Variants in MPG observed in about 807,000 individuals in gnomAD.
The protein encoded by MPG is N-methylpurine DNA glycosylase.
Under a neutral mutation model 31.7 loss-of-function variants are expected in MPG, and 33 were observed. The observed-to-expected ratio is 1.04, with a 90% confidence interval of 0.79 to 1.39. MPG has a LOEUF of 1.39. Among genes scored for constraint, MPG ranks in the 40% most tolerant of loss-of-function variants. MPG has a pLI of 0.00. For synonymous variants in MPG, 202 were observed against 169.2 expected (o/e 1.19, Z -1.51); for missense variants, 455 against 415.5 (o/e 1.10, Z -0.83).
In MPG at chr16:78,299, C is replaced by A. The variant is rs747635841; in HGVS notation, c.-11C>A. The A allele has an allele frequency of 7.5e-7, 1 of 1,337,182 alleles. No individual in the cohort carries two copies. Among genetic ancestry groups the A allele is most frequent in the African/African-American group, 1.5e-5 (1 of 65,148 alleles). The allele number at this position is 1,337,182 out of a possible 1,614,324, so 82.8% of individuals were successfully genotyped here. ...GTCCGAGTCCCACGAAGCCCCGGCCCGAGCCGCCGGATGCCCGCGCGCAGC... is the reference window on the plus strand; with the variant it reads ...GTCCGAGTCCCACGAAGCCCCGGCCAGAGCCGCCGGATGCCCGCGCGCAGC... On this transcript the variant is annotated 5_prime_UTR_variant, in exon 1 of 4. Coordinates refer to ENST00000356432, the MANE Select transcript of MPG (RefSeq NM_001015052.3).
chr16:83,150 G>T lies in MPG; in HGVS notation c.399G>T (p.Arg133Ser). 1 of 1,613,238 alleles carries T rather than the reference G, an allele frequency of 6.2e-7. No individual in the cohort carries two copies. The change falls in exon 3 of 4, where the codon AGG (arginine) becomes AGT (serine). Residue 133 changes from arginine to serine, a missense_variant. Transcript: ENST00000356432. The part of the protein sequence containing the change: ...LGPEDEAAHS[R>S]GGRQTPRNRG... ...CAGAGGATGAAGCCGCCCACTCAAG[G>T]GGTGGCCGGCAGACCCCCCGCAACC...
chr16:79,050 C>G (rs1469449551), intron 1 of MPG: 2 of 1,431,616 alleles, frequency 1.4e-6, no homozygotes, highest in Non-Finnish European at 9.1e-7. Flanking sequence ...GAAACCAGCT[C>G]AGACGTTTGC....
At chr16:78,170 A>T, upstream of MPG, 1 of 684,566 alleles carries the variant, frequency 1.5e-6, no homozygotes, top group Non-Finnish European at 2.0e-6. Context: ...CCCGGCGCTC[A>T]CTGCCCCCCT....
intron 1 of MPG, 134 bp downstream of exon 1, chr16:78,467 G>C: frequency 1.2e-6 from 1 of 808,108 alleles, no homozygotes; most frequent in Non-Finnish European, 1.6e-6. Context: ...GGCAGAGCCA[G>C]AGCATAGGCC....
chr16:78,451 G>T lies in MPG; in HGVS notation c.24+118G>T, dbSNP rs551479956. 674 of 905,752 alleles carry T rather than the reference G, an allele frequency of 7.4e-4. 4 individuals are homozygous for T. The African/African-American group carries it at 0.011, about 15-fold the overall frequency. The allele number at this position is 905,752 out of a possible 1,614,324, so 56.1% of individuals were successfully genotyped here. A position where few individuals can be genotyped will look rare whatever the true frequency, so the allele number is the denominator to read the frequency against. On this transcript the variant is annotated intron_variant, in intron 1 of 3. Coordinates refer to ENST00000356432, the MANE Select transcript of MPG (RefSeq NM_001015052.3). The stretch of plus-strand genomic sequence containing the variant: ...GGGCGTAGCGCCCACCGCCCCGAGG[G>T]TTCGGGGCAGAGCCAGAGCATAGGC...
chr16:83,157 C>T lies in MPG; in HGVS notation c.406C>T (p.Arg136Trp), dbSNP rs201743492. The T allele has an allele frequency of 2.2e-4, 356 of 1,613,192 alleles. 1 individual carries two copies. Among genetic ancestry groups the T allele is most frequent in the Non-Finnish European group, 9.7e-5 (114 of 1,179,976 alleles). Residue 136 changes from arginine (R) to tryptophan (W), a missense_variant, in exon 3 of 4, where the codon CGG becomes TGG. Physicochemically the swap from Arg to Trp is moderately radical, Grantham distance 101. Transcript: ENST00000356432. ...EDEAAHSRGG[R>W]QTPRNRGMFM... Reference sequence around the variant, plus strand: ...TGAAGCCGCCCACTCAAGGGGTGGCCGGCAGACCCCCCGCAACCGAGGCAT... The same window carrying T: ...TGAAGCCGCCCACTCAAGGGGTGGCTGGCAGACCCCCCGCAACCGAGGCAT...
upstream of MPG, chr16:78,184 C>G (rs1228458407): frequency 2.2e-6 from 2 of 899,960 alleles, no homozygotes; most frequent in Non-Finnish European, 2.9e-6. Context: ...CCCCCCTTCT[C>G]CCGGCTTCCG....
intron 3 of MPG, chr16:84,607 AG>A (rs1333830411): frequency 6.6e-6 from 1 of 152,362 alleles, no homozygotes; most frequent in Non-Finnish European, 1.5e-5. Context: ...TGCAGGGCAG[AG>A]GGAATTCGGG....
chr16:79,186 G>A, intron 1 of MPG: 3 of 1,545,312 alleles, frequency 1.9e-6, no homozygotes, highest in Non-Finnish European at 1.7e-6. Flanking sequence ...CATATGTGGG[G>A]CAGAGCAGCC....
intron 2 of MPG, among the ~76,000 whole-genome samples, chr16:82,585 T>C (rs1200260917): frequency 6.6e-6 from 1 of 152,146 alleles, no homozygotes; most frequent in African/African-American, 2.4e-5. Context: ...AGCCCAGGTT[T>C]AGGGGACTTC....
At chr16:78,204 G>T, upstream of MPG, 1 of 1,093,620 alleles carries the variant, frequency 9.1e-7, no homozygotes, top group Non-Finnish European at 1.2e-6. Flanking sequence ...GTCCCCTTCT[G>T]CGCAGGCGCC....
At chr16:80,214 C>G (rs1006932029) in intron 2 of MPG, among the ~76,000 whole-genome samples, 1 of 152,210 alleles carries the variant, frequency 6.6e-6, no homozygotes, top group Non-Finnish European at 1.5e-5. Flanking sequence ...AGCCTGTCCC[C>G]ACGAGCAGAT....
chr16:78,099 G>A (rs1898137177), upstream of MPG: 3 of 337,400 alleles, frequency 8.9e-6, no homozygotes, highest in South Asian at 1.0e-4. Flanking sequence ...ACCTGGCGGT[G>A]GGCGCTGGGA....
chr16:83,561 T>C, intron 3 of MPG: 1 of 280,952 alleles, frequency 3.6e-6, no homozygotes, highest in South Asian at 5.2e-5. Flanking sequence ...GCCAACACGG[T>C]GAAACTCTGT....
Position 79,463 on chromosome 16 carries a change from T to C in MPG, c.63T>C (p.Ala21=). ...RRMGQKKQRP[A]RAGQPHSSSD... is the part of the protein sequence containing the mutation. The stretch of plus-strand genomic sequence containing the variant: ...TGGGGCAAAAGAAGCAGCGACCAGC[T>C]AGAGCAGGGCAGCCACACAGCTCGT... Residue 21 remains alanine (A), a synonymous_variant, in exon 2 of 4, where the codon GCT becomes GCC. Transcript: ENST00000356432. 1 of 1,613,056 alleles carries C rather than the reference T, an allele frequency of 6.2e-7. No homozygotes were observed. Among genetic ancestry groups the C allele is most frequent in the Non-Finnish European group, 8.5e-7 (1 of 1,180,006 alleles).
rs555475034 is a variant in MPG at position 81,582 on chromosome 16, T to C, written c.301-1470T>C. Among the ~76,000 whole-genome samples the C allele has an allele frequency of 4.0e-5, 6 of 150,788 alleles. No individual in the cohort carries two copies. In the East Asian group the frequency reaches 1.2e-3, roughly 29 times the overall value. The stretch of plus-strand genomic sequence containing the variant: ...GCTTCCCGCCCAGGCACTGACCCCT[T>C]CTTCCCACCACCCTATCTCCAGGAA... On this transcript the variant is annotated intron_variant, in intron 2 of 3. Coordinates refer to ENST00000356432, the MANE Select transcript of MPG (RefSeq NM_001015052.3).
intron 3 of MPG, chr16:84,264 T>TA (rs1898351580): frequency 6.6e-6 from 1 of 152,298 alleles, no homozygotes; most frequent in African/African-American, 2.4e-5. Flanking sequence ...GACGGGAACT[T>TA]AAAGGCTTTG....
chr16:80,350 T>C (rs559124343), intron 2 of MPG, among the ~76,000 whole-genome samples: 2 of 152,376 alleles, frequency 1.3e-5, no homozygotes, highest in Non-Finnish European at 2.9e-5. Context: ...CCCTTTGTCC[T>C]TTAATGAGCC....
At position 79,490 on chromosome 16, in the gene MPG, C is replaced by G. The variant is rs778052504; in HGVS notation, c.90C>G (p.Ser30=). 6.5e-5 allele frequency: 105 copies of G among 1,612,644 alleles called. No individual in the cohort carries two copies. The East Asian group carries it at 2.2e-3, about 35-fold the overall frequency. The change falls in exon 2 of 4, where the codon TCC becomes TCG. Residue 30 remains serine, a synonymous_variant. Coordinates refer to ENST00000356432, the MANE Select transcript of MPG (RefSeq NM_001015052.3). ...PARAGQPHSS[S]DAAQAPAEQP... ...GAGCAGGGCAGCCACACAGCTCGTC[C>G]GACGCAGCCCAGGCACCTGCAGAGC... is the stretch of plus-strand genomic sequence containing the variant.
Sources: allele counts gnomAD v4.1 joint callset (sites outside exome capture counted in the v4.1 genomes callset), GRCh38; gene constraint gnomAD v4.1.1; transcripts MANE v1.5; gene names NCBI Gene and HGNC (gene_info 2026-07-23, HGNC 2026-07-21).